Variants in MIPOL1 observed in about 807,000 individuals in gnomAD.
MIPOL1 encodes the protein mirror-image polydactyly gene 1 protein.
A neutral mutation model predicts 60.9 loss-of-function variants in MIPOL1; 57 were observed. That is an observed-to-expected ratio of 0.94 (90% confidence interval 0.76 to 1.17). The LOEUF (loss-of-function observed/expected upper bound fraction) is 1.17, where lower values mean the gene tolerates loss of function less well. Among genes scored for constraint, MIPOL1 ranks in the 50% most tolerant of loss-of-function variants. The probability of loss-of-function intolerance (pLI) is 0.00; values close to 1 mark genes in which losing one functional copy is unlikely to be tolerated. For missense variants in MIPOL1, 551 were observed against 511.6 expected (o/e 1.08, Z -0.74); for synonymous variants, 179 against 168.8 (o/e 1.06, Z -0.47).
chr14:37,330,660 A>G (rs916944717), intron 9 of MIPOL1, among the ~76,000 whole-genome samples: 1 of 151,628 alleles, frequency 6.6e-6, no homozygotes, highest in Non-Finnish European at 1.5e-5. Flanking sequence ...AGAACATCAG[A>G]TACTTCTAAA....
At chr14:37,470,259 GAA>G (rs1204420058) in intron 11 of MIPOL1, among the ~76,000 whole-genome samples, 1 of 152,058 alleles carries the variant, frequency 6.6e-6, no homozygotes, top group Non-Finnish European at 1.5e-5. Context: ...GAGCTGGAGA[GAA>G]ATACCTCAGA....
chr14:37,281,904 T>A (rs2084138594), intron 6 of MIPOL1, among the ~76,000 whole-genome samples: 1 of 152,178 alleles, frequency 6.6e-6, no homozygotes, highest in Non-Finnish European at 1.5e-5. Context: ...AGTAATACCT[T>A]AATTTGAAAA....
Position 37,547,312 on chromosome 14 carries a change from C to A in MIPOL1, c.*341C>A. The A allele has an allele frequency of 4.7e-6, 1 of 212,700 alleles. No homozygotes were observed. Among genetic ancestry groups the A allele is most frequent in the Non-Finnish European group, 9.4e-6 (1 of 106,604 alleles). The allele number at this position is 212,700 out of a possible 1,614,324, so 13.2% of individuals were successfully genotyped here. A position where few individuals can be genotyped will look rare whatever the true frequency, so the allele number is the denominator to read the frequency against. ...ATGTTAAAGTTGGTTAGGATCATAT[C>A]TTCACATATGGCCCTTTCTGAATCA... On this transcript the variant is annotated 3_prime_UTR_variant, in exon 13 of 13. Coordinates refer to ENST00000684589, the MANE Select transcript of MIPOL1 (RefSeq NM_001388067.1).
chr14:37,234,537 G>T (rs2153324551), intron 1 of MIPOL1, among the ~76,000 whole-genome samples: 2 of 151,786 alleles, frequency 1.3e-5, no homozygotes, highest in South Asian at 2.1e-4. Context: ...GTCTGGCTAT[G>T]TTACCCAGGC....
chr14:37,498,532 G>A (rs1397161601), intron 11 of MIPOL1, among the ~76,000 whole-genome samples: 1 of 152,120 alleles, frequency 6.6e-6, no homozygotes, highest in East Asian at 1.9e-4. Flanking sequence ...ATGGGCAAGA[G>A]ACAGCCTTTA....
chr14:37,363,529 G>A (rs998106714), intron 9 of MIPOL1, among the ~76,000 whole-genome samples: 1 of 152,162 alleles, frequency 6.6e-6, no homozygotes, highest in African/African-American at 2.4e-5. Context: ...GCATCCACCT[G>A]TATGAGGTGT....
chr14:37,398,714 C>T (rs1189074480), intron 10 of MIPOL1, among the ~76,000 whole-genome samples: 1 of 152,192 alleles, frequency 6.6e-6, no homozygotes, highest in African/African-American at 2.4e-5. Flanking sequence ...CACACCCCTT[C>T]TAGCAGTGCT....
At chr14:37,492,807 C>T (rs945555556) in intron 11 of MIPOL1, among the ~76,000 whole-genome samples, 4 of 152,042 alleles carry the variant, frequency 2.6e-5, no homozygotes, top group Admixed American at 2.0e-4. Flanking sequence ...GGAATCTATC[C>T]TCTGTTTAGC....
At chr14:37,282,685 G>T (rs535260292) in intron 6 of MIPOL1, among the ~76,000 whole-genome samples, 17 of 143,274 alleles carry the variant, frequency 1.2e-4, no homozygotes, top group Admixed American at 1.2e-3. Flanking sequence ...GGAGGTAGAG[G>T]CTGCAGTAAG....
chr14:37,213,330 A>G (rs1194680558), intron 1 of MIPOL1, among the ~76,000 whole-genome samples: 1 of 152,196 alleles, frequency 6.6e-6, no homozygotes, highest in African/African-American at 2.4e-5. Flanking sequence ...AACACAGTGA[A>G]GGAATTTGAA....
intron 6 of MIPOL1, among the ~76,000 whole-genome samples, chr14:37,273,428 A>T (rs2083435768): frequency 6.6e-6 from 1 of 150,724 alleles, no homozygotes; most frequent in African/African-American, 2.4e-5. Flanking sequence ...AGACATAAAG[A>T]CTCTATGGTT....
intron 11 of MIPOL1, among the ~76,000 whole-genome samples, chr14:37,491,465 G>A (rs1306639439): frequency 2.0e-5 from 3 of 152,130 alleles, no homozygotes; most frequent in Non-Finnish European, 4.4e-5. Flanking sequence ...AGAGGTGAAG[G>A]TTGCAGTGAG....
intron 11 of MIPOL1, among the ~76,000 whole-genome samples, chr14:37,447,049 A>C (rs566088676): frequency 1.3e-5 from 2 of 151,976 alleles, no homozygotes; most frequent in African/African-American, 2.4e-5. Context: ...CATTGTGCAC[A>C]TGTACCCTAA....
At chr14:37,302,225 T>C (rs1469568575) in intron 7 of MIPOL1, among the ~76,000 whole-genome samples, 4 of 149,554 alleles carry the variant, frequency 2.7e-5, no homozygotes, top group Middle Eastern at 3.4e-3. Context: ...TTCCTGTTGC[T>C]GTATATCCAA....
At chr14:37,433,578 C>A (rs983851903) in intron 11 of MIPOL1, among the ~76,000 whole-genome samples, 11 of 151,936 alleles carry the variant, frequency 7.2e-5, no homozygotes, top group Non-Finnish European at 1.2e-4. Flanking sequence ...TTTTTTGAGA[C>A]CAAGTCTCGA....
At position 37,256,540 on chromosome 14, in the gene MIPOL1, T is replaced by C. The variant is rs187713085; in HGVS notation, c.19+8633T>C. Reference sequence around the variant, plus strand: ...GAGTCACTGAAGCTATTTTACTCAATTGCTTTTAAGAGTTTAAAGTTAAAA... The same window carrying C: ...GAGTCACTGAAGCTATTTTACTCAACTGCTTTTAAGAGTTTAAAGTTAAAA... On this transcript the variant is annotated intron_variant, in intron 3 of 12. Transcript: ENST00000684589. Among the ~76,000 whole-genome samples the C allele has an allele frequency of 1.6e-3, 242 of 152,096 alleles. 3 individuals are homozygous for C. Among genetic ancestry groups the C allele is most frequent in the Non-Finnish European group, 1.9e-3 (130 of 67,896 alleles).
intron 10 of MIPOL1, among the ~76,000 whole-genome samples, chr14:37,370,809 C>A (rs548918870): frequency 6.6e-6 from 1 of 152,042 alleles, no homozygotes; most frequent in South Asian, 2.1e-4. Flanking sequence ...TTCTAATTAC[C>A]CCCAAGGAAT....
At chr14:37,428,662 T>A in intron 11 of MIPOL1, among the ~76,000 whole-genome samples, 1 of 78,818 alleles carries the variant, frequency 1.3e-5, no homozygotes, top group South Asian at 5.8e-4. Context: ...TCCAAAAATC[T>A]TTTTTTTTTT....
chr14:37,292,966 T>C (rs918527129), intron 7 of MIPOL1, among the ~76,000 whole-genome samples: 4 of 152,112 alleles, frequency 2.6e-5, no homozygotes, highest in Admixed American at 2.6e-4. Context: ...GGGATTTTGC[T>C]TGGTGCCAAG....
Sources: allele counts gnomAD v4.1 joint callset (sites outside exome capture counted in the v4.1 genomes callset), GRCh38; gene constraint gnomAD v4.1.1; transcripts MANE v1.5; gene names NCBI Gene and HGNC (gene_info 2026-07-23, HGNC 2026-07-21).